ADAM28: variants seen among roughly 807,000 people sequenced by gnomAD.
ADAM28 encodes disintegrin and metalloproteinase domain-containing protein 28.
A neutral mutation model predicts 101.2 loss-of-function variants in ADAM28; 105 were observed. That is an observed-to-expected ratio of 1.04 (90% CI 0.89 to 1.22). The LOEUF (loss-of-function observed/expected upper bound fraction) is 1.22, where lower values mean the gene tolerates loss of function less well. Among genes scored for constraint, ADAM28 ranks in the 50% most tolerant of loss-of-function variants. The pLI is 0.00. For synonymous variants in ADAM28, 322 were observed against 310.6 expected (o/e 1.04, Z -0.39); for missense variants, 1,028 against 945.4 (o/e 1.09, Z -1.15).
At chr8:24,325,430 G>A (rs939565117) in intron 9 of ADAM28, among the ~76,000 whole-genome samples, 11 of 151,856 alleles carry the variant, frequency 7.2e-5, no homozygotes, top group African/African-American at 2.7e-4. Context: ...AAAAATTAGA[G>A]TCCGAATATA....
At chr8:24,304,891 G>A (rs1269139493) in intron 2 of ADAM28, among the ~76,000 whole-genome samples, 8 of 149,606 alleles carry the variant, frequency 5.3e-5, no homozygotes, top group Non-Finnish European at 1.2e-4. Context: ...ACTCCAACCT[G>A]GGCAACAAGA....
chr8:24,299,255 A>C (rs1808385818), intron 1 of ADAM28, among the ~76,000 whole-genome samples: 1 of 152,184 alleles, frequency 6.6e-6, no homozygotes, highest in Admixed American at 6.5e-5. Context: ...AAATGCAGAT[A>C]GGTTGGATCA....
chr8:24,309,791 T>C (rs1810201229), intron 2 of ADAM28, 103 bp from the exon 3 acceptor site: 1 of 861,030 alleles, frequency 1.2e-6, no homozygotes, highest in Non-Finnish European at 1.8e-6. Flanking sequence ...GGTATTATAC[T>C]GCTAAAAAAT....
rs73673447 is a variant in ADAM28 at position 24,346,032 on chromosome 8, C to T, written c.1990+2448C>T. On this transcript the variant is annotated intron_variant, in intron 18 of 22. Coordinates refer to ENST00000265769, the MANE Select transcript of ADAM28 (RefSeq NM_014265.6). ...TTCTTATCTAACCATCAAGGAAAGC[C>T]TCAGACAGACTGAGGAACATTTCCT... Among the ~76,000 whole-genome samples the T allele has an allele frequency of 4.5e-3, 688 of 152,082 alleles. 2 individuals carry two copies. The highest frequency in any genetic ancestry group is 0.016 in the African/African-American group (666 of 41,500).
chr8:24,343,167 T>C lies in ADAM28; in HGVS notation c.1897T>C (p.Cys633Arg), dbSNP rs1320788238. 3.1e-6 allele frequency: 5 copies of C among 1,613,714 alleles called. No homozygotes were observed. Among genetic ancestry groups the C allele is most frequent in the Non-Finnish European group, 4.2e-6 (5 of 1,179,800 alleles). The change falls in exon 17 of 23, where the codon TGC becomes CGC. Residue 633 changes from cysteine (C) to arginine (R), a missense_variant. Physicochemically the swap from Cys to Arg is radical, Grantham distance 180 (BLOSUM62 -3). Coordinates refer to ENST00000265769, the MANE Select transcript of ADAM28 (RefSeq NM_014265.6). Reference protein sequence around the residue: ...AYKSTNCSSKCKGHAVCDHEL... With the variant: ...AYKSTNCSSKRKGHAVCDHEL... Reference sequence around the variant, plus strand: ...CAAATCAACCAATTGCTCATCTAAGTGCAAAGGACATGCTGTAAGTTCTGA... The same window carrying C: ...CAAATCAACCAATTGCTCATCTAAGCGCAAAGGACATGCTGTAAGTTCTGA...
chr8:24,340,830 G>C (rs540063698), intron 15 of ADAM28: 8 of 152,252 alleles, frequency 5.3e-5, no homozygotes, highest in African/African-American at 1.4e-4. Context: ...TCACTTTCTG[G>C]ATACTTTTTT....
intron 5 of ADAM28, among the ~76,000 whole-genome samples, chr8:24,312,179 C>A (rs936734401): frequency 6.6e-6 from 1 of 152,180 alleles, no homozygotes; most frequent in African/African-American, 2.4e-5. Context: ...CTTCTGATGT[C>A]CAGACTTGAT....
intron 7 of ADAM28, 94 bp from the exon 8 acceptor site, chr8:24,321,124 C>T (rs1032371591): frequency 1.5e-6 from 1 of 681,530 alleles, no homozygotes; most frequent in Non-Finnish European, 2.5e-6. Context: ...TAATTAAAAT[C>T]AATAATAAGT....
At chr8:24,301,549 A>G (rs1362130008) in intron 2 of ADAM28, among the ~76,000 whole-genome samples, 2 of 152,156 alleles carry the variant, frequency 1.3e-5, no homozygotes, top group Non-Finnish European at 2.9e-5. Flanking sequence ...ACTTAAGTGT[A>G]TTTTTACAGT....
intron 5 of ADAM28, among the ~76,000 whole-genome samples, chr8:24,312,472 A>G (rs1213419679): frequency 6.6e-6 from 1 of 152,052 alleles, no homozygotes; most frequent in African/African-American, 2.4e-5. Flanking sequence ...CTACTACGAT[A>G]TCCTAGTCCA....
At chr8:24,337,761 TGTAA>T (rs1057261262) in intron 14 of ADAM28, among the ~76,000 whole-genome samples, 2 of 152,238 alleles carry the variant, frequency 1.3e-5, no homozygotes, top group African/African-American at 4.8e-5. Context: ...CTTGCAACTT[TGTAA>T]GTAATTTAAA....
intron 21 of ADAM28, among the ~76,000 whole-genome samples, chr8:24,353,147 C>T (rs114110360): frequency 0.018 from 2,797 of 152,112 alleles, 98 homozygotes; most frequent in African/African-American, 0.064. Flanking sequence ...TATTGAGAAA[C>T]GATAAATAGC....
At chr8:24,320,106 T>C in intron 6 of ADAM28, 130 bp from the exon 7 acceptor site, 1 of 662,312 alleles carries the variant, frequency 1.5e-6, no homozygotes, top group Non-Finnish European at 2.6e-6. Flanking sequence ...GAATTGGTGT[T>C]AAAATGCTAA....
rs1585700066 is a variant in ADAM28, at chr8:24,339,537, G to T, written c.1639G>T (p.Val547Leu). ...GGSKYGYCRR[V>L]DDTLIPCKAN... is the part of the protein sequence containing the mutation. ...GTCAAAGTACGGGTACTGTCGCAGA[G>T]TGGATGACACACTCATTCCCTGCAA... is the stretch of plus-strand genomic sequence containing the variant. Residue 547 changes from valine (V) to leucine (L), a missense_variant, in exon 15 of 23, where the codon GTG becomes TTG. Physicochemically the swap from Val to Leu is conservative, Grantham distance 32 (BLOSUM62 1). Coordinates refer to ENST00000265769, the MANE Select transcript of ADAM28 (RefSeq NM_014265.6). The T allele has an allele frequency of 2.5e-6, 4 of 1,612,892 alleles. No individual in the cohort carries two copies. The highest frequency in any genetic ancestry group is 1.3e-5 in the African/African-American group (1 of 75,000).
chr8:24,302,089 C>T (rs1808856984), intron 2 of ADAM28, among the ~76,000 whole-genome samples: 1 of 152,138 alleles, frequency 6.6e-6, no homozygotes, highest in Non-Finnish European at 1.5e-5. Context: ...TGATGTTCTC[C>T]CTTGCCCCGC....
chr8:24,308,470 A>G (rs1240717295), intron 2 of ADAM28, among the ~76,000 whole-genome samples: 5 of 152,198 alleles, frequency 3.3e-5, no homozygotes, highest in Non-Finnish European at 5.9e-5. Flanking sequence ...AAATCTACTA[A>G]AAAGCCATTG....
chr8:24,313,107 G>C (rs566234135), intron 5 of ADAM28, among the ~76,000 whole-genome samples: 1 of 152,290 alleles, frequency 6.6e-6, no homozygotes, highest in South Asian at 2.1e-4. Flanking sequence ...TGTACCAAGT[G>C]TCAGGAAATA....
At chr8:24,312,434 A>G (rs975708565) in intron 5 of ADAM28, among the ~76,000 whole-genome samples, 2 of 151,938 alleles carry the variant, frequency 1.3e-5, no homozygotes, top group Non-Finnish European at 2.9e-5. Context: ...TATCTTCTAA[A>G]CACTTTCTGA....
intron 17 of ADAM28, 105 bp from the exon 18 acceptor site, chr8:24,343,401 G>A (rs1168370388): frequency 2.5e-6 from 3 of 1,204,780 alleles, no homozygotes; most frequent in East Asian, 4.9e-5. Flanking sequence ...GAAGCCTGGA[G>A]ACTGGGGTTA....
Sources: allele counts gnomAD v4.1 joint callset (sites outside exome capture counted in the v4.1 genomes callset), GRCh38; gene constraint gnomAD v4.1.1; transcripts MANE v1.5; gene names NCBI Gene and HGNC (gene_info 2026-07-23, HGNC 2026-07-21).